PPFIA1: variants seen among roughly 807,000 people sequenced by gnomAD.
PPFIA1 encodes liprin-alpha-1.
Under a neutral mutation model 149.9 loss-of-function variants are expected in PPFIA1, and 25 were observed. That is an observed-to-expected ratio of 0.17 (90% CI 0.12 to 0.23). The LOEUF (loss-of-function observed/expected upper bound fraction) is 0.23. Among genes scored for constraint, PPFIA1 ranks in the 10% least tolerant of loss-of-function variants. The pLI is 1.00. For missense variants in PPFIA1, 1,362 were observed against 1,506.5 expected, an observed-to-expected ratio of 0.90 and a Z score of 1.59; for synonymous variants, 549 against 552.8, an observed-to-expected ratio of 0.99 and a Z score of 0.10.
intron 19 of PPFIA1, 94 bp downstream of exon 19, chr11:70,356,348 A>G (rs546009670): frequency 2.3e-6 from 2 of 874,068 alleles, no homozygotes; most frequent in African/African-American, 1.7e-5. Context: ...CTAGCTATGT[A>G]TATATACATT....
intron 2 of PPFIA1, among the ~76,000 whole-genome samples, chr11:70,294,934 C>A (rs2353299): frequency 0.58 from 87,662 of 150,308 alleles, 28,106 homozygotes; most frequent in African/African-American, 0.87. Context: ...AACAAAATGA[C>A]AAGTCTCCCA....
chr11:70,281,185 A>G (rs970650907), intron 2 of PPFIA1, among the ~76,000 whole-genome samples: 1 of 151,928 alleles, frequency 6.6e-6, no homozygotes, highest in Non-Finnish European at 1.5e-5. Flanking sequence ...TAATTGAGTC[A>G]GACATTATGT....
At chr11:70,367,228 C>T (rs1196391647) in intron 21 of PPFIA1, among the ~76,000 whole-genome samples, 2 of 152,152 alleles carry the variant, frequency 1.3e-5, no homozygotes, top group Admixed American at 1.3e-4. Context: ...AGTGGAAGCT[C>T]GTATCACTTT....
At chr11:70,317,254 TA>T (rs2053690800) in intron 2 of PPFIA1, among the ~76,000 whole-genome samples, 1 of 152,162 alleles carries the variant, frequency 6.6e-6, no homozygotes, top group African/African-American at 2.4e-5. Context: ...GGGTTCCTAC[TA>T]TTTTTTTTTC....
At chr11:70,325,194 G>C in intron 4 of PPFIA1, 183 bp downstream of exon 4, 1 of 546,376 alleles carries the variant, frequency 1.8e-6, no homozygotes, top group Non-Finnish European at 2.9e-6. Flanking sequence ...AATTACTAAT[G>C]TATATTGATT....
At chr11:70,346,394 A>G (rs907680023) in intron 15 of PPFIA1, among the ~76,000 whole-genome samples, 1 of 151,424 alleles carries the variant, frequency 6.6e-6, no homozygotes, top group African/African-American at 2.4e-5. Context: ...GAGAAGGTTG[A>G]GAGAAACATC....
chr11:70,372,458 TC>T lies in PPFIA1; in HGVS notation c.3042-18del. 6.2e-7 allele frequency: 1 copy of T among 1,612,740 alleles called. No individual in the cohort carries two copies. Among genetic ancestry groups the T allele is most frequent in the Non-Finnish European group, 8.5e-7 (1 of 1,178,820 alleles). On this transcript the variant is annotated intron_variant, in intron 22 of 27. Coordinates refer to ENST00000253925, the MANE Select transcript of PPFIA1 (RefSeq NM_003626.5). The stretch of plus-strand genomic sequence containing the variant: ...TCACTGTTACCATCTCTAAATCATC[TC>T]TCTTTTCTTCCAAATAGAAACAGTT...
At chr11:70,358,924 C>G (rs1002802425) in intron 19 of PPFIA1, among the ~76,000 whole-genome samples, 1 of 152,216 alleles carries the variant, frequency 6.6e-6, no homozygotes, top group Non-Finnish European at 1.5e-5. Flanking sequence ...GAAACACCAT[C>G]TCTTGAAGTA....
At chr11:70,294,032 G>C (rs1483020092) in intron 2 of PPFIA1, among the ~76,000 whole-genome samples, 6 of 151,198 alleles carry the variant, frequency 4.0e-5, no homozygotes, top group African/African-American at 1.5e-4. Context: ...GACTTCCTGG[G>C]CTCGAGCAAT....
At position 70,382,015 on chromosome 11, in the gene PPFIA1, G is replaced by T. The variant is rs560218151; in HGVS notation, c.3551-73G>T. On this transcript the variant is annotated intron_variant, in intron 26 of 27. Transcript: ENST00000253925. The stretch of plus-strand genomic sequence containing the variant: ...TAGGTGTGAAGATGTGTGTCTACTT[G>T]TGCCCTCATGTGATGTTCTAAGACT... 784 of 1,328,600 alleles carry T rather than the reference G, an allele frequency of 5.9e-4. 2 individuals carry two copies. Among genetic ancestry groups the T allele is most frequent in the Non-Finnish European group, 6.3e-4 (582 of 931,124 alleles). 82.3% of individuals were successfully genotyped at this position (1,328,600 alleles called of 1,614,324 possible).
Position 70,348,323 on chromosome 11 carries a change from T to A in PPFIA1, c.2066T>A (p.Leu689His). The change falls in exon 16 of 28, where the codon CTT becomes CAT. Residue 689 changes from leucine (L) to histidine (H), a missense_variant. Leu to His is a moderately conservative substitution (Grantham distance 99, BLOSUM62 -3). Coordinates refer to ENST00000253925, the MANE Select transcript of PPFIA1 (RefSeq NM_003626.5). ...SSIPPYPASS[L>H]ASSSPPGSGR... ...ATTCCCCCCTACCCTGCTTCCTCGCTTGCTAGCTCCTCCCCTCCGGGCAGT... is the reference window on the plus strand; with the variant it reads ...ATTCCCCCCTACCCTGCTTCCTCGCATGCTAGCTCCTCCCCTCCGGGCAGT... 1 of 1,614,202 alleles carries A rather than the reference T, an allele frequency of 6.2e-7. No individual in the cohort carries two copies. The highest frequency in any genetic ancestry group is 8.5e-7 in the Non-Finnish European group (1 of 1,180,018).
intron 2 of PPFIA1, among the ~76,000 whole-genome samples, chr11:70,321,701 A>C (rs2053952544): frequency 6.6e-6 from 1 of 152,242 alleles, no homozygotes. Flanking sequence ...TGGACCAGAC[A>C]TAGTCAAAGA....
rs1450184640 is a variant in PPFIA1 at position 70,330,309 on chromosome 11, T to G, written c.1067T>G (p.Met356Arg). The G allele has an allele frequency of 6.3e-7, 1 of 1,581,750 alleles. No individual in the cohort carries two copies. The highest frequency in any genetic ancestry group is 8.6e-7 in the Non-Finnish European group (1 of 1,168,222). Residue 356 changes from methionine to arginine, a missense_variant, in exon 8 of 28, where the codon ATG becomes AGG. Physicochemically the swap from Met to Arg is moderately conservative, Grantham distance 91 (BLOSUM62 -1). Around this residue, in one of 7 missense-constraint regions of PPFIA1, gnomAD observed 733 missense variants for 744.1 expected, o/e 0.99. Transcript: ENST00000253925. The stretch of plus-strand genomic sequence containing the variant: ...AATGAAATTGCAAATAAAGATTCTA[T>G]GCATCGACAGGTAATGGATTTTATC... ...LENEIANKDS[M>R]HRQTEDKNRQ...
intron 24 of PPFIA1, among the ~76,000 whole-genome samples, chr11:70,375,855 A>AC (rs2057468562): frequency 6.6e-6 from 1 of 152,066 alleles, no homozygotes; most frequent in African/African-American, 2.4e-5. Flanking sequence ...ACCAACCCAC[A>AC]CAACACACCC....
chr11:70,350,068 A>AG (rs1272339223), intron 16 of PPFIA1: 1 of 404,558 alleles, frequency 2.5e-6, no homozygotes, highest in South Asian at 1.7e-5. Flanking sequence ...GTGTTCGATC[A>AG]TGTTTGTGAG....
At chr11:70,290,998 G>A (rs997466345) in intron 2 of PPFIA1, among the ~76,000 whole-genome samples, 1 of 152,160 alleles carries the variant, frequency 6.6e-6, no homozygotes, top group African/African-American at 2.4e-5. Context: ...TGGCTCTCCT[G>A]CTTCAGCCTC....
At chr11:70,378,424 A>G in intron 26 of PPFIA1, 1 of 1,260,570 alleles carries the variant, frequency 7.9e-7, no homozygotes, top group Non-Finnish European at 1.0e-6. Context: ...ATCTTAGCAT[A>G]TTTTTCCAAC....
rs1182710746 is a variant in PPFIA1 at position 70,326,678 on chromosome 11, A to G, written c.790A>G (p.Arg264Gly). 6.2e-7 allele frequency: 1 copy of G among 1,614,192 alleles called. No homozygotes were observed. The highest frequency in any genetic ancestry group is 1.7e-5 in the Admixed American group (1 of 60,032). The change falls in exon 7 of 28, where the codon AGG (arginine) becomes GGG (glycine). Residue 264 changes from arginine to glycine, a missense_variant. By Grantham distance (125) the Arg-to-Gly change is moderately radical. Coordinates refer to ENST00000253925, the MANE Select transcript of PPFIA1 (RefSeq NM_003626.5). ...CCAAGAAATCATAAGTAAGCAGTCAAGGGAACAGAGCCAAATGAAAGAACG... is the reference window on the plus strand; with the variant it reads ...CCAAGAAATCATAAGTAAGCAGTCAGGGGAACAGAGCCAAATGAAAGAACG... ...ELQEIISKQS[R>G]EQSQMKERLA...
chr11:70,294,763 G>C (rs1159446655), intron 2 of PPFIA1, among the ~76,000 whole-genome samples: 1 of 151,668 alleles, frequency 6.6e-6, no homozygotes, highest in Non-Finnish European at 1.5e-5. Flanking sequence ...CTCTTAACGA[G>C]CATGCTGCCT....
Sources: gnomAD v4.1 joint callset for allele counts (sites outside exome capture counted in the v4.1 genomes callset) on GRCh38, gnomAD v4.1.1 for gene constraint, gnomAD v4.1.1 regional missense constraint, MANE v1.5 for transcripts, NCBI Gene and HGNC (gene_info 2026-07-23, HGNC 2026-07-21) for gene names.